The following PPARGC1A variants were observed in gnomAD, a reference collection of about 807,000 sequenced individuals.
PPARGC1A encodes the protein peroxisome proliferator-activated receptor gamma coactivator 1-alpha.
Under a neutral mutation model 88.7 loss-of-function variants are expected in PPARGC1A, and 25 were observed. The observed-to-expected ratio is 0.28, with a 90% CI of 0.21 to 0.39. The LOEUF (loss-of-function observed/expected upper bound fraction) is 0.39. Among genes scored for constraint, PPARGC1A ranks in the 10% least tolerant of loss-of-function variants. PPARGC1A has a pLI of 1.00. For synonymous variants in PPARGC1A, 363 were observed against 355.6 expected, an observed-to-expected ratio of 1.02 and a Z score of -0.24; for missense variants, 880 against 968.7, an observed-to-expected ratio of 0.91 and a Z score of 1.22.
chr4:24,421,172 G>A, the PPARGC1A span, among the ~76,000 whole-genome samples: 1 of 152,036 alleles, frequency 6.6e-6, no homozygotes, highest in Admixed American at 6.5e-5. Context: ...AAAAAATCAA[G>A]ATGAGACATC....
At chr4:24,263,211 C>T in the PPARGC1A span, among the ~76,000 whole-genome samples, 1 of 152,014 alleles carries the variant, frequency 6.6e-6, no homozygotes, top group Non-Finnish European at 1.5e-5. Flanking sequence ...AGTTCAAGCC[C>T]AAATGTGGGG....
the PPARGC1A span, among the ~76,000 whole-genome samples, chr4:24,035,337 C>G: frequency 1.3e-5 from 2 of 151,884 alleles, no homozygotes; most frequent in Non-Finnish European, 2.9e-5. Context: ...GTCAGGAGTT[C>G]GAGACCAGAT....
the PPARGC1A span, among the ~76,000 whole-genome samples, chr4:24,094,799 T>TA: frequency 3.5e-3 from 509 of 147,426 alleles, 6 homozygotes; most frequent in East Asian, 0.051. Context: ...AATCAAGCAC[T>TA]AAAAAAAAAA....
At chr4:24,059,956 C>T in the PPARGC1A span, among the ~76,000 whole-genome samples, 2 of 152,314 alleles carry the variant, frequency 1.3e-5, no homozygotes, top group South Asian at 2.1e-4. Context: ...GTTTTGGAGT[C>T]GCCTTTCTGC....
intron 2 of PPARGC1A, among the ~76,000 whole-genome samples, chr4:23,882,297 C>T (rs1716098642): frequency 6.6e-6 from 1 of 152,182 alleles, no homozygotes; most frequent in Non-Finnish European, 1.5e-5. Context: ...ACTTCTCATT[C>T]TTTATATCCA....
At chr4:24,093,952 G>A in the PPARGC1A span, among the ~76,000 whole-genome samples, 1 of 152,040 alleles carries the variant, frequency 6.6e-6, no homozygotes, top group South Asian at 2.1e-4. Context: ...CCCACAGCAA[G>A]ATAGCATTTC....
At chr4:24,039,713 T>C in the PPARGC1A span, among the ~76,000 whole-genome samples, 2 of 152,182 alleles carry the variant, frequency 1.3e-5, no homozygotes, top group South Asian at 4.1e-4. Flanking sequence ...TAAAGAAAGA[T>C]GGTAATTCCT....
At chr4:24,381,969 T>A in the PPARGC1A span, among the ~76,000 whole-genome samples, 2 of 152,232 alleles carry the variant, frequency 1.3e-5, no homozygotes, top group African/African-American at 2.4e-5. Flanking sequence ...AAAGTCTATA[T>A]CATTCTTTCC....
rs866851663 is a variant in PPARGC1A, at chr4:23,794,906, G to A, written c.*916C>T. On this transcript the variant is annotated 3_prime_UTR_variant, in exon 13 of 13. Coordinates refer to ENST00000264867, the MANE Select transcript of PPARGC1A (RefSeq NM_013261.5). ...TGACAAGGCTTTTGAAATTTGCAGT[G>A]GAAGATCAACATTTTGGACATTTAC... 6.6e-6 allele frequency: 1 copy of A among 152,324 alleles called. No individual in the cohort carries two copies. Among genetic ancestry groups the A allele is most frequent in the Non-Finnish European group, 1.5e-5 (1 of 67,998 alleles). 9.4% of individuals were successfully genotyped at this position (152,324 alleles called of 1,614,324 possible). A position where few individuals can be genotyped will look rare whatever the true frequency, so the allele number is the denominator to read the frequency against.
At chr4:24,246,010 C>A in the PPARGC1A span, among the ~76,000 whole-genome samples, 1 of 151,848 alleles carries the variant, frequency 6.6e-6, no homozygotes, top group African/African-American at 2.4e-5. Context: ...TGAAAATGCT[C>A]TCTATGAATA....
chr4:24,336,182 G>A, the PPARGC1A span, among the ~76,000 whole-genome samples: 2 of 152,098 alleles, frequency 1.3e-5, no homozygotes, highest in African/African-American at 4.8e-5. Context: ...TTTGTGTCTG[G>A]TTCCAAGAGG....
chr4:23,817,708 C>G (rs1722234175), intron 7 of PPARGC1A, among the ~76,000 whole-genome samples: 1 of 152,056 alleles, frequency 6.6e-6, no homozygotes, highest in African/African-American at 2.4e-5. Flanking sequence ...AATAATTTGG[C>G]TAATTCCCTA....
chr4:23,934,176 C>T, the PPARGC1A span, among the ~76,000 whole-genome samples: 1 of 152,144 alleles, frequency 6.6e-6, no homozygotes, highest in East Asian at 1.9e-4. Context: ...TGCCTAGGAC[C>T]TGCTGCCCTG....
chr4:24,317,555 T>TTAA, the PPARGC1A span, among the ~76,000 whole-genome samples: 1 of 22,208 alleles, frequency 4.5e-5, no homozygotes, highest in Non-Finnish European at 1.1e-4. Context: ...TTCAGAGGAC[T>TTAA]AAAAAAAAAA....
upstream of PPARGC1A, among the ~76,000 whole-genome samples, chr4:23,900,759 T>C (rs937479066): frequency 6.6e-6 from 1 of 152,212 alleles, no homozygotes; most frequent in Non-Finnish European, 1.5e-5. Flanking sequence ...AGGTGCCTGT[T>C]TGTTTCTCTA....
the PPARGC1A span, among the ~76,000 whole-genome samples, chr4:24,445,817 C>T: frequency 3.9e-5 from 6 of 152,176 alleles, no homozygotes; most frequent in Non-Finnish European, 8.8e-5. Context: ...CCTCTAATCT[C>T]TGCACTTTGG....
At chr4:24,463,791 A>G in the PPARGC1A span, among the ~76,000 whole-genome samples, 1 of 152,250 alleles carries the variant, frequency 6.6e-6, no homozygotes, top group Non-Finnish European at 1.5e-5. Flanking sequence ...GTGGGAAAAA[A>G]AAGTCAATTC....
At chr4:24,425,862 A>C in the PPARGC1A span, among the ~76,000 whole-genome samples, 1 of 152,184 alleles carries the variant, frequency 6.6e-6, no homozygotes, top group Non-Finnish European at 1.5e-5. Flanking sequence ...TTTCTGAATA[A>C]TTATTTGAAT....
At chr4:24,253,696 G>T in the PPARGC1A span, among the ~76,000 whole-genome samples, 1 of 152,042 alleles carries the variant, frequency 6.6e-6, no homozygotes, top group East Asian at 1.9e-4. Context: ...CTGAGAGCGA[G>T]TGCCTCTTTA....
Sources: allele counts gnomAD v4.1 joint callset (sites outside exome capture counted in the v4.1 genomes callset), GRCh38; gene constraint gnomAD v4.1.1; transcripts MANE v1.5; gene names NCBI Gene and HGNC (gene_info 2026-07-23, HGNC 2026-07-21).